The following PHC3 variants were observed in gnomAD, a reference collection of about 807,000 sequenced individuals.
The protein encoded by PHC3 is polyhomeotic-like protein 3.
PHC3 carries 13 observed loss-of-function variants against 107.4 expected under a neutral mutation model. That is an observed-to-expected ratio of 0.12 (90% CI 0.08 to 0.19). The LOEUF is 0.19. PHC3 is among the 10% of genes least tolerant of loss of function. The pLI is 1.00. For synonymous variants in PHC3, 456 were observed against 427.4 expected (o/e 1.07, Z -0.83); for missense variants, 992 against 1,210.9 (o/e 0.82, Z 2.68).
At position 170,128,984 on chromosome 3, in the gene PHC3, T is replaced by C; in HGVS notation, c.1488A>G (p.Pro496=). 1 of 1,613,906 alleles carries C rather than the reference T, an allele frequency of 6.2e-7. No homozygotes were observed. Among genetic ancestry groups the C allele is most frequent in the Non-Finnish European group, 8.5e-7 (1 of 1,179,856 alleles). The change falls in exon 8 of 15, where the codon CCA becomes CCG. Residue 496 remains proline, a synonymous_variant. Transcript: ENST00000495893. ...LVSPGQQIVS[P]SHQQYSSLQS... ...GCAGGGATGAATATTGCTGGTGTGA[T>C]GGAGAGACAATCTGCTGGCCTGGGG...
chr3:170,106,024 G>A (rs921974218), intron 12 of PHC3, among the ~76,000 whole-genome samples: 1 of 151,888 alleles, frequency 6.6e-6, no homozygotes, highest in Non-Finnish European at 1.5e-5. Flanking sequence ...CCAGCCTGGC[G>A]AACATGGTGA....
intron 6 of PHC3, among the ~76,000 whole-genome samples, chr3:170,138,275 T>C (rs748771455): frequency 3.9e-5 from 6 of 152,218 alleles, no homozygotes; most frequent in Non-Finnish European, 5.9e-5. Context: ...TATTCTAAGC[T>C]ACTCAAAGAA....
chr3:170,173,085 G>A (rs576804761), intron 2 of PHC3, among the ~76,000 whole-genome samples: 63 of 151,930 alleles, frequency 4.1e-4, no homozygotes, highest in African/African-American at 1.3e-3. Context: ...CCAGCTACTC[G>A]GGAGGCTGAG....
At chr3:170,134,302 G>A (rs779030184) in intron 7 of PHC3, among the ~76,000 whole-genome samples, 36 of 151,860 alleles carry the variant, frequency 2.4e-4, no homozygotes, top group Admixed American at 8.5e-4. Context: ...TAATTCTCCT[G>A]CCTCAGCCTC....
intron 6 of PHC3, among the ~76,000 whole-genome samples, chr3:170,139,205 T>C (rs1215660573): frequency 6.6e-6 from 1 of 152,184 alleles, no homozygotes; most frequent in Non-Finnish European, 1.5e-5. Flanking sequence ...TGCAGTTCGG[T>C]GCTGCAGACT....
At chr3:170,160,698 T>G (rs916072857) in intron 4 of PHC3, among the ~76,000 whole-genome samples, 1 of 152,128 alleles carries the variant, frequency 6.6e-6, no homozygotes, top group Non-Finnish European at 1.5e-5. Context: ...GTCAGGAGTT[T>G]GAGACCAGCC....
intron 7 of PHC3, among the ~76,000 whole-genome samples, chr3:170,135,509 A>G (rs1469033961): frequency 6.6e-6 from 1 of 151,596 alleles, no homozygotes; most frequent in Non-Finnish European, 1.5e-5. Flanking sequence ...ACACACATAC[A>G]CATACACACA....
intron 4 of PHC3, among the ~76,000 whole-genome samples, chr3:170,159,337 G>C (rs1727470861): frequency 6.6e-6 from 1 of 150,696 alleles, no homozygotes; most frequent in Non-Finnish European, 1.5e-5. Context: ...CGGAATATTA[G>C]TTTGAAAGAA....
At chr3:170,132,600 T>TA (rs1364446712) in intron 7 of PHC3, among the ~76,000 whole-genome samples, 1 of 152,204 alleles carries the variant, frequency 6.6e-6, no homozygotes, top group Admixed American at 6.5e-5. Context: ...CAAGGCCATG[T>TA]GAGGACATCT....
rs925655733 is a variant in PHC3 at position 170,091,173 on chromosome 3, A to T, written c.*6057T>A. The T allele has an allele frequency of 4.6e-5, 7 of 152,222 alleles. No homozygotes were observed. Among genetic ancestry groups the T allele is most frequent in the African/African-American group, 1.7e-4 (7 of 41,460 alleles). The allele number at this position is 152,222 out of a possible 1,614,324, so 9.4% of individuals were successfully genotyped here. On this transcript the variant is annotated 3_prime_UTR_variant, in exon 15 of 15. Transcript: ENST00000495893. ...ACTTTTAAGCCAATAAGTGATGGTGACTATCAATCCTTAAGATGATTACTG... is the reference window on the plus strand; with the variant it reads ...ACTTTTAAGCCAATAAGTGATGGTGTCTATCAATCCTTAAGATGATTACTG...
intron 14 of PHC3, among the ~76,000 whole-genome samples, chr3:170,098,224 A>T (rs998349592): frequency 5.3e-5 from 8 of 152,174 alleles, no homozygotes; most frequent in African/African-American, 1.9e-4. Context: ...TTACCCATTA[A>T]GGGTAAAGAA....
At chr3:170,181,533 T>C (rs1420036307) in intron 1 of PHC3, among the ~76,000 whole-genome samples, 169 bp downstream of exon 1, 6 of 152,212 alleles carry the variant, frequency 3.9e-5, no homozygotes, top group South Asian at 2.1e-4. Flanking sequence ...AGAGTTCGTC[T>C]TCGCCCCGCG....
At chr3:170,116,919 A>G in intron 10 of PHC3, among the ~76,000 whole-genome samples, 1 of 152,232 alleles carries the variant, frequency 6.6e-6, no homozygotes, top group East Asian at 1.9e-4. Flanking sequence ...TAAAAAAAAA[A>G]AGAAAGAAAA....
At chr3:170,180,469 A>G (rs141597447) in intron 1 of PHC3, among the ~76,000 whole-genome samples, 1,574 of 152,196 alleles carry the variant, frequency 0.01, 10 homozygotes, top group Non-Finnish European at 0.016. Flanking sequence ...GAAAAAGAAA[A>G]TAAGAGGAAA....
chr3:170,115,875 T>TCACACACACACA (rs1238887514), intron 10 of PHC3, among the ~76,000 whole-genome samples: 2 of 88,556 alleles, frequency 2.3e-5, no homozygotes, highest in African/African-American at 9.4e-5. Flanking sequence ...AATCCAAGTT[T>TCACACACACACA]CTCACACACA....
At chr3:170,125,087 A>AT (rs1250632662) in intron 8 of PHC3, among the ~76,000 whole-genome samples, 2 of 152,168 alleles carry the variant, frequency 1.3e-5, no homozygotes, top group African/African-American at 2.4e-5. Flanking sequence ...AGTAGGCAAC[A>AT]TTTTTTAAAG....
intron 14 of PHC3, among the ~76,000 whole-genome samples, chr3:170,098,571 C>A (rs998298542): frequency 2.0e-5 from 3 of 151,976 alleles, no homozygotes; most frequent in Admixed American, 1.3e-4. Flanking sequence ...GTACTGAATA[C>A]ATAATATTTG....
In PHC3 at chr3:170,106,944, T is replaced by C. The variant is rs1409848309; in HGVS notation, c.2356A>G (p.Thr786Ala). The change falls in exon 12 of 15, where the codon ACA becomes GCA. Residue 786 changes from threonine (T) to alanine (A), a missense_variant and splice_region_variant. Coordinates refer to ENST00000495893, the MANE Select transcript of PHC3 (RefSeq NM_024947.4). ...AACTCACTGTCCATTTCTTCTAATGTCTCTAAAAAAGAAGGAAACAAAGGA... is the reference window on the plus strand; with the variant it reads ...AACTCACTGTCCATTTCTTCTAATGCCTCTAAAAAAGAAGGAAACAAAGGA... ...TEMEDMIAEE[T>A]LEEMDSELLK... 4 of 1,581,540 alleles carry C rather than the reference T, an allele frequency of 2.5e-6. No individual in the cohort carries two copies. The highest frequency in any genetic ancestry group is 3.4e-6 in the Non-Finnish European group (4 of 1,167,688).
intron 12 of PHC3, among the ~76,000 whole-genome samples, chr3:170,103,366 T>G (rs1715839634): frequency 6.6e-6 from 1 of 152,212 alleles, no homozygotes; most frequent in South Asian, 2.1e-4. Flanking sequence ...TTTAAAAGTT[T>G]AATATACTAG....
Sources: gnomAD v4.1 joint callset for allele counts (sites outside exome capture counted in the v4.1 genomes callset) on GRCh38, gnomAD v4.1.1 for gene constraint, MANE v1.5 for transcripts, NCBI Gene and HGNC (gene_info 2026-07-23, HGNC 2026-07-21) for gene names.